SNX4: variants seen among roughly 807,000 people sequenced by gnomAD.
The protein encoded by SNX4 is sorting nexin-4.
Under a neutral mutation model 70.8 loss-of-function variants are expected in SNX4, and 49 were observed. The ratio of observed to expected loss-of-function variants is 0.69; its 90% confidence interval spans 0.55 to 0.88. The LOEUF is 0.88. Ranked by LOEUF, SNX4 falls within the 40% of genes least tolerant of loss-of-function variation. The pLI is 0.00. For synonymous variants in SNX4, 206 were observed against 183.8 expected, an observed-to-expected ratio of 1.12 and a Z score of -0.98; for missense variants, 528 against 544.8, an observed-to-expected ratio of 0.97 and a Z score of 0.31.
At chr3:125,460,136 G>A (rs913151756) in intron 10 of SNX4, among the ~76,000 whole-genome samples, 6 of 149,926 alleles carry the variant, frequency 4.0e-5, no homozygotes, top group African/African-American at 1.5e-4. Context: ...GGAGGTTGCA[G>A]TGAGCCGAGA....
At chr3:125,477,919 A>C (rs1023914034) in intron 7 of SNX4, among the ~76,000 whole-genome samples, 3 of 152,140 alleles carry the variant, frequency 2.0e-5, no homozygotes, top group African/African-American at 7.2e-5. Context: ...CTTCAGAAAC[A>C]AGATGCTGGC....
chr3:125,519,705 C>T (rs971642665), intron 1 of SNX4, among the ~76,000 whole-genome samples: 1 of 152,172 alleles, frequency 6.6e-6, no homozygotes, highest in Non-Finnish European at 1.5e-5. Context: ...AAAACCCCCT[C>T]CTCCAGCCTC....
chr3:125,513,033 G>C (rs967236673), intron 1 of SNX4, among the ~76,000 whole-genome samples: 3 of 152,192 alleles, frequency 2.0e-5, no homozygotes, highest in Non-Finnish European at 4.4e-5. Context: ...GTGGAAAACA[G>C]AGATAATAGT....
At chr3:125,483,217 A>C (rs1934455271) in intron 6 of SNX4, among the ~76,000 whole-genome samples, 1 of 151,628 alleles carries the variant, frequency 6.6e-6, no homozygotes, top group Non-Finnish European at 1.5e-5. Context: ...TTCTTTACGT[A>C]GAGCCAGTTA....
intron 1 of SNX4, among the ~76,000 whole-genome samples, chr3:125,518,656 C>G (rs1344391725): frequency 6.6e-6 from 1 of 152,052 alleles, no homozygotes; most frequent in African/African-American, 2.4e-5. Flanking sequence ...GGCATGAGCC[C>G]AGGAGTTGCA....
At chr3:125,518,519 G>A (rs1237974349) in intron 1 of SNX4, among the ~76,000 whole-genome samples, 1 of 152,150 alleles carries the variant, frequency 6.6e-6, no homozygotes, top group African/African-American at 2.4e-5. Flanking sequence ...ACCCAGGTAT[G>A]TTCCACAGCA....
chr3:125,455,727 T>C (rs1220521998), intron 11 of SNX4, among the ~76,000 whole-genome samples: 1 of 152,184 alleles, frequency 6.6e-6, no homozygotes, highest in African/African-American at 2.4e-5. Context: ...AAAACTATAG[T>C]GCTTGGCCAG....
At chr3:125,475,058 C>G (rs1280553900) in intron 8 of SNX4, among the ~76,000 whole-genome samples, 2 of 152,040 alleles carry the variant, frequency 1.3e-5, no homozygotes, top group South Asian at 2.1e-4. Context: ...TTACAGTTGA[C>G]CATATATTTT....
chr3:125,470,265 A>C (rs1350508822), intron 8 of SNX4, among the ~76,000 whole-genome samples: 1 of 152,048 alleles, frequency 6.6e-6, no homozygotes, highest in Non-Finnish European at 1.5e-5. Flanking sequence ...TGCTTTTTTT[A>C]AATAGTATTT....
At chr3:125,479,228 T>C (rs1196039743) in intron 7 of SNX4, among the ~76,000 whole-genome samples, 2 of 152,098 alleles carry the variant, frequency 1.3e-5, no homozygotes, top group East Asian at 1.9e-4. Context: ...TGGACTCTTA[T>C]TAAAACAAAT....
intron 9 of SNX4, among the ~76,000 whole-genome samples, chr3:125,469,159 T>A (rs1228003127): frequency 6.6e-6 from 1 of 152,234 alleles, no homozygotes; most frequent in East Asian, 1.9e-4. Context: ...TATTCCTAGT[T>A]GATGAGACTT....
At chr3:125,489,564 T>C in intron 5 of SNX4, 101 bp from the exon 6 acceptor site, 1 of 877,642 alleles carries the variant, frequency 1.1e-6, no homozygotes, top group Non-Finnish European at 1.8e-6. Flanking sequence ...AAGTACAGTT[T>C]TCTTCATATC....
intron 6 of SNX4, among the ~76,000 whole-genome samples, chr3:125,484,729 C>T (rs969726095): frequency 6.6e-6 from 1 of 151,986 alleles, no homozygotes. Flanking sequence ...CAGTGGCTCA[C>T]ATATGTAATC....
intron 9 of SNX4, among the ~76,000 whole-genome samples, chr3:125,464,956 G>T (rs537239337): frequency 6.6e-6 from 1 of 151,936 alleles, no homozygotes; most frequent in Non-Finnish European, 1.5e-5. Flanking sequence ...TGTTGACCAG[G>T]CTGGTCTTAA....
chr3:125,476,069 C>T (rs1018015896), intron 8 of SNX4, among the ~76,000 whole-genome samples: 1 of 151,456 alleles, frequency 6.6e-6, no homozygotes, highest in South Asian at 2.1e-4. Flanking sequence ...AGTTCAAGAC[C>T]AGCCTGGTCA....
intron 6 of SNX4, among the ~76,000 whole-genome samples, chr3:125,488,399 C>T (rs763233085): frequency 5.9e-5 from 9 of 151,796 alleles, no homozygotes; most frequent in Non-Finnish European, 1.3e-4. Context: ...TGATTGAACC[C>T]GGGAGGCAGA....
intron 7 of SNX4, among the ~76,000 whole-genome samples, chr3:125,479,787 T>C (rs1170914229): frequency 6.6e-6 from 1 of 152,166 alleles, no homozygotes; most frequent in Non-Finnish European, 1.5e-5. Context: ...ACTATATGGT[T>C]AAGTATAATT....
At chr3:125,469,667 C>G in intron 8 of SNX4, 148 bp from the exon 9 acceptor site, 1 of 595,570 alleles carries the variant, frequency 1.7e-6, no homozygotes, top group South Asian at 2.2e-5. Context: ...CTCAAATATG[C>G]TGTTTTCCCC....
At chr3:125,487,365 C>T (rs1212225276) in intron 6 of SNX4, among the ~76,000 whole-genome samples, 1 of 152,072 alleles carries the variant, frequency 6.6e-6, no homozygotes, top group African/African-American at 2.4e-5. Context: ...AAATTCTACA[C>T]ACAATATGGA....
Sources: allele counts gnomAD v4.1 joint callset (sites outside exome capture counted in the v4.1 genomes callset), GRCh38; gene constraint gnomAD v4.1.1; transcripts MANE v1.5; gene names NCBI Gene and HGNC (gene_info 2026-07-23, HGNC 2026-07-21).